The following EFCAB13 variants were observed in gnomAD, a reference collection of about 807,000 sequenced individuals.
EFCAB13 encodes EF-hand calcium binding domain 13.
In EFCAB13, 91 loss-of-function variants were observed where a neutral mutation model predicts 110.2. That is an observed-to-expected ratio of 0.83 (90% confidence interval 0.70 to 0.98). The LOEUF is 0.98. Among genes scored for constraint, EFCAB13 ranks in the 50% least tolerant of loss-of-function variants. The pLI, the probability that EFCAB13 is intolerant of heterozygous loss-of-function variation, is 0.00. For synonymous variants in EFCAB13, 323 were observed against 369.9 expected, an observed-to-expected ratio of 0.87 and a Z score of 1.45; for missense variants, 968 against 1,119.4, an observed-to-expected ratio of 0.86 and a Z score of 1.93.
chr17:47,364,736 G>C (rs771304679), intron 10 of EFCAB13, among the ~76,000 whole-genome samples: 1 of 152,052 alleles, frequency 6.6e-6, no homozygotes, highest in East Asian at 1.9e-4. Flanking sequence ...ATTCAAATAC[G>C]GGTCTGATCA....
chr17:47,387,639 T>TAA (rs201978955), intron 14 of EFCAB13, among the ~76,000 whole-genome samples: 7,579 of 152,306 alleles, frequency 0.05, 251 homozygotes, highest in East Asian at 0.1. Flanking sequence ...GCTCACACAT[T>TAA]GCTGTCTTAT....
At chr17:47,349,639 T>A (rs2065436972) in intron 9 of EFCAB13, among the ~76,000 whole-genome samples, 1 of 152,162 alleles carries the variant, frequency 6.6e-6, no homozygotes, top group South Asian at 2.1e-4. Flanking sequence ...TCTTATGTTC[T>A]TAGTGAGTTT....
chr17:47,384,900 G>T (rs1338002906), intron 14 of EFCAB13, among the ~76,000 whole-genome samples: 3 of 152,090 alleles, frequency 2.0e-5, no homozygotes, highest in African/African-American at 4.8e-5. Context: ...CTCCCACGTA[G>T]CTGGGACTAC....
At chr17:47,384,431 T>G (rs2065665101) in intron 14 of EFCAB13, among the ~76,000 whole-genome samples, 1 of 152,002 alleles carries the variant, frequency 6.6e-6, no homozygotes. Flanking sequence ...CGACTGTTTT[T>G]TTTTTTTGCA....
At chr17:47,399,595 T>G (rs2143438814) in intron 17 of EFCAB13, among the ~76,000 whole-genome samples, 1 of 151,942 alleles carries the variant, frequency 6.6e-6, no homozygotes, top group South Asian at 2.1e-4. Context: ...AGAAAGAACT[T>G]AAAATTACTG....
At chr17:47,351,606 T>C (rs201777620) in intron 9 of EFCAB13, among the ~76,000 whole-genome samples, 1 of 152,172 alleles carries the variant, frequency 6.6e-6, no homozygotes, top group East Asian at 1.9e-4. Context: ...ATTCATGTCA[T>C]TTGCCCACTT....
chr17:47,328,264 G>C lies in EFCAB13; in HGVS notation c.-85-5G>C. 9.1e-7 allele frequency: 1 copy of C among 1,100,278 alleles called. No individual in the cohort carries two copies. Among genetic ancestry groups the C allele is most frequent in the Non-Finnish European group, 1.4e-6 (1 of 727,064 alleles). 68.2% of individuals were successfully genotyped at this position (1,100,278 alleles called of 1,614,324 possible). A position where few individuals can be genotyped will look rare whatever the true frequency, so the allele number is the denominator to read the frequency against. On this transcript the variant is annotated splice_region_variant and splice_polypyrimidine_tract_variant and intron_variant, in intron 3 of 24. Coordinates refer to ENST00000331493, the MANE Select transcript of EFCAB13 (RefSeq NM_152347.5). ...TATGATTTCTTCTTTCTCTTTTTTTGGCAGGAAATCCTTTTGTACTATTGC... is the reference window on the plus strand; with the variant it reads ...TATGATTTCTTCTTTCTCTTTTTTTCGCAGGAAATCCTTTTGTACTATTGC...
chr17:47,345,224 TA>T (rs1320463392), intron 8 of EFCAB13, 126 bp downstream of exon 8: 28 of 617,016 alleles, frequency 4.5e-5, no homozygotes. Flanking sequence ...TAATACATGG[TA>T]TGGCAAATGC....
At chr17:47,420,404 G>A (rs544484745) in intron 23 of EFCAB13, among the ~76,000 whole-genome samples, 33 of 152,350 alleles carry the variant, frequency 2.2e-4, no homozygotes, top group African/African-American at 7.0e-4. Context: ...CTGCCTGGCC[G>A]CCCATCATCT....
At chr17:47,432,663 T>C (rs1037878377) in intron 24 of EFCAB13, among the ~76,000 whole-genome samples, 5 of 152,180 alleles carry the variant, frequency 3.3e-5, no homozygotes, top group Non-Finnish European at 5.9e-5. Flanking sequence ...TTAATAATGC[T>C]TTTTTCTTAA....
chr17:47,409,052 A>G (rs1242019484), intron 20 of EFCAB13, among the ~76,000 whole-genome samples: 1 of 152,200 alleles, frequency 6.6e-6, no homozygotes, highest in Non-Finnish European at 1.5e-5. Flanking sequence ...GTTTCAGGGT[A>G]ATACCTGGGC....
intron 14 of EFCAB13, among the ~76,000 whole-genome samples, chr17:47,386,600 C>T (rs370218547): frequency 3.9e-4 from 59 of 152,196 alleles, no homozygotes; most frequent in African/African-American, 1.4e-3. Context: ...TGAGCGAGAC[C>T]ACTTGGCTCC....
chr17:47,435,380 A>G (rs192354126), intron 24 of EFCAB13, among the ~76,000 whole-genome samples: 1 of 152,176 alleles, frequency 6.6e-6, no homozygotes, highest in East Asian at 1.9e-4. Flanking sequence ...TGATGTCGGC[A>G]TGGATGTGGT....
intron 22 of EFCAB13, among the ~76,000 whole-genome samples, chr17:47,413,528 G>A (rs893362216): frequency 1.3e-5 from 2 of 152,134 alleles, no homozygotes; most frequent in East Asian, 1.9e-4. Flanking sequence ...ACCAATTTGT[G>A]TCTGGGAATC....
chr17:47,328,288 G>T lies in EFCAB13; in HGVS notation c.-66G>T, dbSNP rs1197324719. The T allele has an allele frequency of 1.5e-6, 2 of 1,333,688 alleles. No individual in the cohort carries two copies. The highest frequency in any genetic ancestry group is 2.2e-6 in the Non-Finnish European group (2 of 928,172). The allele number at this position is 1,333,688 out of a possible 1,614,324, so 82.6% of individuals were successfully genotyped here. Reference sequence around the variant, plus strand: ...TGGCAGGAAATCCTTTTGTACTATTGCTCATTCATACTTGTTCATCAAAGC... The same window carrying T: ...TGGCAGGAAATCCTTTTGTACTATTTCTCATTCATACTTGTTCATCAAAGC... On this transcript the variant is annotated 5_prime_UTR_variant, in exon 4 of 25. Transcript: ENST00000331493.
chr17:47,345,086 A>G lies in EFCAB13; in HGVS notation c.505A>G (p.Lys169Glu). 1 of 1,601,200 alleles carries G rather than the reference A, an allele frequency of 6.2e-7. No homozygotes were observed. The highest frequency in any genetic ancestry group is 1.3e-5 in the African/African-American group (1 of 74,512). The change falls in exon 8 of 25, where the codon AAA (lysine) becomes GAA (glutamate). Residue 169 changes from lysine (K) to glutamate (E), a missense_variant. Physicochemically the swap from Lys to Glu is moderately conservative, Grantham distance 56. Transcript: ENST00000331493. ...AGTAACCCATGGATATTTACACTCA[A>G]AAGAATTAAGTGGTAATAAGAGGTT... ...DEVTHGYLHS[K>E]ELSALHKACK...
intron 11 of EFCAB13, among the ~76,000 whole-genome samples, chr17:47,372,104 G>T (rs896577472): frequency 1.3e-5 from 2 of 152,044 alleles, no homozygotes; most frequent in Admixed American, 6.5e-5. Context: ...TTATTGATAT[G>T]GAAGGATTTT....
Position 47,391,589 on chromosome 17 carries a change from T to TA in EFCAB13, c.1726+10dup. ...ACTGACTGAAGCTGGTGGTGAGTGA[T>TA]ATATTTTCAGGCAAACTGCATTGAC... On this transcript the variant is annotated intron_variant, in intron 15 of 24. Transcript: ENST00000331493. 1 of 1,556,382 alleles carries TA rather than the reference T, an allele frequency of 6.4e-7. No homozygotes were observed. Among genetic ancestry groups the TA allele is most frequent in the Non-Finnish European group, 8.6e-7 (1 of 1,158,380 alleles).
At chr17:47,423,514 C>T (rs1295133900) in intron 23 of EFCAB13, 5 of 265,038 alleles carry the variant, frequency 1.9e-5, no homozygotes, top group Non-Finnish European at 3.5e-5. Flanking sequence ...GGTGGCTCCT[C>T]CTTCGCTTCT....
Sources: allele counts gnomAD v4.1 joint callset (sites outside exome capture counted in the v4.1 genomes callset), GRCh38; gene constraint gnomAD v4.1.1; transcripts MANE v1.5; gene names NCBI Gene and HGNC (gene_info 2026-07-23, HGNC 2026-07-21).